The following GABRR3 variants were observed in gnomAD, a reference collection of about 807,000 sequenced individuals.
The protein encoded by GABRR3 is gamma-aminobutyric acid receptor subunit rho-3.
A neutral mutation model predicts 43.2 loss-of-function variants in GABRR3; 29 were observed. The ratio of observed to expected loss-of-function variants is 0.67; its 90% CI spans 0.50 to 0.92. The LOEUF (loss-of-function observed/expected upper bound fraction) is 0.92, where lower values mean the gene tolerates loss of function less well. Among genes scored for constraint, GABRR3 ranks in the 40% least tolerant of loss-of-function variants. GABRR3 has a pLI of 0.00. For synonymous variants in GABRR3, 206 were observed against 195.9 expected, an observed-to-expected ratio of 1.05 and a Z score of -0.43; for missense variants, 576 against 572.3, an observed-to-expected ratio of 1.01 and a Z score of -0.07.
At chr3:98,025,631 A>G in exon 3 of GABRR3, 1 of 1,613,138 alleles carries the variant, frequency 6.2e-7, no homozygotes. Context: ...CATATTTCTG[A>G]GGCCGCGCTT....
chr3:98,011,226 C>A (rs548170295), intron 5 of GABRR3, among the ~76,000 whole-genome samples: 2 of 152,178 alleles, frequency 1.3e-5, no homozygotes, highest in Non-Finnish European at 2.9e-5. Context: ...GTATTTTTAA[C>A]GAGCAAAAAT....
At position 98,034,974 on chromosome 3, in the gene GABRR3, A is replaced by G; in HGVS notation, c.14T>C (p.Phe5Ser). The change falls in exon 2 of 10, where the codon TTC becomes TCC. Residue 5 changes from phenylalanine (F) to serine (S), a missense_variant. Physicochemically the swap from Phe to Ser is radical, Grantham distance 155. Coordinates refer to ENST00000621172, the Ensembl canonical transcript of GABRR3. ...GATGTAGGTGAAGGAGACTAACTGG[A>G]AAGCCAGGACCATCTCTTCCAAAAC... is the stretch of plus-strand genomic sequence containing the variant. 6.2e-7 allele frequency: 1 copy of G among 1,612,654 alleles called. No homozygotes were observed. The highest frequency in any genetic ancestry group is 8.5e-7 in the Non-Finnish European group (1 of 1,179,092).
At chr3:98,021,537 C>T (rs1006893415) in intron 3 of GABRR3, among the ~76,000 whole-genome samples, 1 of 152,124 alleles carries the variant, frequency 6.6e-6, no homozygotes, top group Non-Finnish European at 1.5e-5. Context: ...GGAAGCTTGT[C>T]AAGTCCTTAG....
chr3:98,025,959 C>A (rs1398588205), intron 2 of GABRR3, among the ~76,000 whole-genome samples: 2 of 152,060 alleles, frequency 1.3e-5, no homozygotes, highest in East Asian at 3.9e-4. Context: ...GGTTTTTAGA[C>A]CTGGAAAATC....
chr3:97,992,180 C>T (rs1308831654), intron 9 of GABRR3, among the ~76,000 whole-genome samples: 1 of 152,088 alleles, frequency 6.6e-6, no homozygotes, highest in Non-Finnish European at 1.5e-5. Flanking sequence ...CAGAAGGCAC[C>T]TCATTCCTAG....
intron 8 of GABRR3, among the ~76,000 whole-genome samples, chr3:97,994,275 C>T (rs1435563869): frequency 6.6e-6 from 1 of 152,104 alleles, no homozygotes; most frequent in African/African-American, 2.4e-5. Context: ...TGAGAGAGCC[C>T]CATATCAAAC....
chr3:98,008,246 A>G (rs1706746259), intron 6 of GABRR3, among the ~76,000 whole-genome samples: 1 of 152,168 alleles, frequency 6.6e-6, no homozygotes, highest in Non-Finnish European at 1.5e-5. Flanking sequence ...CCTCACTGTC[A>G]CAGGCCTGAC....
chr3:97,985,316 C>T (rs1023994632), downstream of GABRR3, among the ~76,000 whole-genome samples: 1 of 152,162 alleles, frequency 6.6e-6, no homozygotes, highest in South Asian at 2.1e-4. Flanking sequence ...CCCACTTGAC[C>T]TGGTTTACTT....
intron 5 of GABRR3, 78 bp from the exon 6 acceptor site, chr3:98,009,116 C>T (rs1706758068): frequency 2.2e-6 from 2 of 889,360 alleles, no homozygotes; most frequent in Non-Finnish European, 3.6e-6. Context: ...TTGAAGCTTT[C>T]TTACTGTTTG....
At chr3:98,013,359 T>C (rs1386847119) in intron 4 of GABRR3, among the ~76,000 whole-genome samples, 1 of 152,228 alleles carries the variant, frequency 6.6e-6, no homozygotes, top group Non-Finnish European at 1.5e-5. Flanking sequence ...ATTTAGTTAA[T>C]AATTTGAGTT....
chr3:98,009,706 G>A (rs990030083), intron 5 of GABRR3, among the ~76,000 whole-genome samples: 1 of 152,096 alleles, frequency 6.6e-6, no homozygotes, highest in Non-Finnish European at 1.5e-5. Flanking sequence ...ACCCACAATA[G>A]CAGATCAGAG....
chr3:98,009,042 T>TA lies in GABRR3; in HGVS notation c.531-5dup. The TA allele has an allele frequency of 6.3e-7, 1 of 1,592,822 alleles. No individual in the cohort carries two copies. The highest frequency in any genetic ancestry group is 1.1e-5 in the South Asian group (1 of 87,560). The stretch of plus-strand genomic sequence containing the variant: ...GCACATGGCCGAAACCGTTATCCTA[T>TA]AAAAAGAATGAGAAAAAGAAAACTG... On this transcript the variant is annotated splice_polypyrimidine_tract_variant and splice_region_variant and intron_variant, in intron 5 of 9. Coordinates refer to ENST00000621172, the Ensembl canonical transcript of GABRR3.
At chr3:98,007,887 C>T (rs371908172) in exon 7 of GABRR3, 83 of 1,583,350 alleles carry the variant, frequency 5.2e-5, no homozygotes, top group Non-Finnish European at 6.7e-5. Context: ...AGCATTAGGT[C>T]ATCCTCATTG....
rs764677878 is a variant in GABRR3 at position 98,034,853 on chromosome 3, A to C, written c.125+10T>G. On this transcript the variant is annotated intron_variant, in intron 2 of 9. Transcript: ENST00000621172. ...CAGTAATTCCATGGACTGCACTATG[A>C]GCATCTTACCAGGTTTGTTTCATTG... 75 of 1,612,598 alleles carry C rather than the reference A, an allele frequency of 4.7e-5. 1 individual carries two copies. The South Asian group carries it at 7.9e-4, about 17-fold the overall frequency.
chr3:98,009,096 G>T, intron 5 of GABRR3, 58 bp from the exon 6 acceptor site: 1 of 1,078,788 alleles, frequency 9.3e-7, no homozygotes, highest in Non-Finnish European at 1.4e-6. Context: ...GGCCAAATGA[G>T]CATGCAACAT....
At chr3:98,009,072 T>C (rs1166809631) in intron 5 of GABRR3, 34 bp from the exon 6 acceptor site, 4 of 1,348,422 alleles carry the variant, frequency 3.0e-6, no homozygotes, top group Non-Finnish European at 4.2e-6. Flanking sequence ...AAACTGCAGA[T>C]CATTTAACCA....
chr3:98,025,763 C>A, intron 2 of GABRR3, 84 bp from the exon 3 acceptor site: 1 of 831,506 alleles, frequency 1.2e-6, no homozygotes. Context: ...CTGTGCTCAA[C>A]ATAACATGTT....
At chr3:97,995,274 G>A (rs1361376549) in intron 8 of GABRR3, among the ~76,000 whole-genome samples, 1 of 152,056 alleles carries the variant, frequency 6.6e-6, no homozygotes, top group Non-Finnish European at 1.5e-5. Context: ...ACCACGCCCA[G>A]CTAAAAAATT....
intron 7 of GABRR3, among the ~76,000 whole-genome samples, chr3:98,005,099 T>C (rs972519987): frequency 2.6e-5 from 4 of 152,030 alleles, no homozygotes; most frequent in African/African-American, 9.7e-5. Flanking sequence ...GCATTTTTCC[T>C]ACCAATCTCT....
Sources: allele counts gnomAD v4.1 joint callset (sites outside exome capture counted in the v4.1 genomes callset), GRCh38; gene constraint gnomAD v4.1.1; transcripts MANE v1.5; gene names NCBI Gene and HGNC (gene_info 2026-07-23, HGNC 2026-07-21).